Variants in NF1 observed in about 807,000 individuals in gnomAD.
NF1 encodes the protein neurofibromin 1.
In NF1, 122 loss-of-function variants were observed where a neutral mutation model predicts 325.7. The ratio of observed to expected loss-of-function variants is 0.37; its 90% CI spans 0.32 to 0.44. The LOEUF (loss-of-function observed/expected upper bound fraction) is 0.44. Among genes scored for constraint, NF1 ranks in the 20% least tolerant of loss-of-function variants. The pLI is 1.00. For missense variants in NF1, 2,140 were observed against 3,415.4 expected (o/e 0.63, Z 9.31); for synonymous variants, 1,091 against 1,186.0 (o/e 0.92, Z 1.65).
At chr17:31,321,715 A>AGG (rs2069198419) in intron 36 of NF1, 1 of 149,866 alleles carries the variant, frequency 6.7e-6, no homozygotes, top group Non-Finnish European at 1.5e-5. Flanking sequence ...CAGGAGGGAA[A>AGG]AAAAAAAAAA....
intron 56 of NF1, 133 bp downstream of exon 56, chr17:31,359,148 A>G: frequency 1.3e-6 from 1 of 783,286 alleles, no homozygotes; most frequent in Non-Finnish European, 2.1e-6. Context: ...TGTTACTTTT[A>G]TAAAAAGTTT....
intron 27 of NF1, among the ~76,000 whole-genome samples, chr17:31,233,492 G>T (rs896721328): frequency 3.3e-5 from 5 of 152,086 alleles, no homozygotes; most frequent in Non-Finnish European, 5.9e-5. Flanking sequence ...AGGTAATTAG[G>T]TTAAACCTAA....
rs1042447928 is a variant in NF1, at chr17:31,252,853, G to A, written c.4111-85G>A. On this transcript the variant is annotated intron_variant, in intron 30 of 57. Coordinates refer to ENST00000358273, the MANE Select transcript of NF1 (RefSeq NM_001042492.3). ...TTCCATTTGTGTTACATTTTATGGT[G>A]TAATTTTATGTACAAGCCAACATTG... is the stretch of plus-strand genomic sequence containing the variant. 4.7e-6 allele frequency: 5 copies of A among 1,073,138 alleles called. No individual in the cohort carries two copies. The African/African-American group carries it at 7.8e-5, about 17-fold the overall frequency. The allele number at this position is 1,073,138 out of a possible 1,614,324, so 66.5% of individuals were successfully genotyped here.
chr17:31,138,195 GTCTT>G (rs1915920395), intron 1 of NF1: 1 of 151,516 alleles, frequency 6.6e-6, no homozygotes, highest in African/African-American at 2.4e-5. Flanking sequence ...TTCTTTCATG[GTCTT>G]TCTTTTGTTC....
At chr17:31,197,759 T>C (rs184123030) in intron 8 of NF1, among the ~76,000 whole-genome samples, 333 of 152,312 alleles carry the variant, frequency 2.2e-3, no homozygotes, top group African/African-American at 7.6e-3. Context: ...GACATAGTTT[T>C]GCTTCTTTCT....
chr17:31,275,333 C>T (rs1736906354), intron 36 of NF1, among the ~76,000 whole-genome samples: 1 of 152,192 alleles, frequency 6.6e-6, no homozygotes, highest in Admixed American at 6.5e-5. Flanking sequence ...CACTGTGTCA[C>T]AGTGCTGCAT....
intron 20 of NF1, among the ~76,000 whole-genome samples, 198 bp from the exon 21 acceptor site, chr17:31,228,827 G>A (rs747619197): frequency 2.0e-5 from 3 of 152,072 alleles, no homozygotes; most frequent in Non-Finnish European, 4.4e-5. Context: ...TTGACACTCG[G>A]CTGATTATAT....
intron 52 of NF1, 90 bp downstream of exon 52, chr17:31,356,672 C>T: frequency 6.4e-7 from 1 of 1,551,746 alleles, no homozygotes; most frequent in Non-Finnish European, 8.8e-7. Flanking sequence ...TTCTTAGAAT[C>T]TTTAGAGTGA....
chr17:31,292,694 A>G (rs1165008229), intron 36 of NF1, among the ~76,000 whole-genome samples: 2 of 152,198 alleles, frequency 1.3e-5, no homozygotes, highest in African/African-American at 4.8e-5. Flanking sequence ...TAGTTGACGT[A>G]TATTGTACTT....
chr17:31,184,839 T>C (rs1206494532), intron 8 of NF1, among the ~76,000 whole-genome samples: 1 of 152,126 alleles, frequency 6.6e-6, no homozygotes, highest in African/African-American at 2.4e-5. Flanking sequence ...ATCATGCAAG[T>C]GGCTGACCTG....
chr17:31,343,964 A>AC (rs1328714776), intron 48 of NF1, among the ~76,000 whole-genome samples: 16 of 152,094 alleles, frequency 1.1e-4, no homozygotes, highest in Admixed American at 2.0e-4. Flanking sequence ...TTTAAAAAAA[A>AC]AAAAAAAAAA....
intron 1 of NF1, among the ~76,000 whole-genome samples, chr17:31,121,294 C>T (rs759081193): frequency 1.1e-4 from 16 of 151,912 alleles, no homozygotes; most frequent in Non-Finnish European, 1.9e-4. Context: ...AGACCAGTTA[C>T]GTGACAAATA....
Position 31,095,306 on chromosome 17 carries a change from GGA to G in NF1, c.-3_-2del. On this transcript the variant is annotated 5_prime_UTR_variant, in exon 1 of 58. Coordinates refer to ENST00000358273, the MANE Select transcript of NF1 (RefSeq NM_001042492.3). ...CTCCGCCGCCCCCCGGCCGCGGGGA[GGA>G]CATGGCCGCGCACAGGCCGGTGGAA... The G allele has an allele frequency of 6.5e-7, 1 of 1,537,210 alleles. No homozygotes were observed. Among genetic ancestry groups the G allele is most frequent in the Non-Finnish European group, 8.7e-7 (1 of 1,146,054 alleles).
Position 31,357,362 on chromosome 17 carries a change from C to T in NF1, c.7963C>T (p.Pro2655Ser), listed in dbSNP as rs587781791. Residue 2655 changes from proline (P) to serine (S), a missense_variant, in exon 54 of 58, where the codon CCT becomes TCT. Coordinates refer to ENST00000358273, the MANE Select transcript of NF1 (RefSeq NM_001042492.3). ...CAGTGTTGTGTTTCCCAAAGTCTTT[C>T]CTGTTGTGTAAGTATCTCCTTTTGA... The part of the protein sequence containing the change: ...EASVVFPKVF[P>S]VVHNLLDSKI... 3.1e-6 allele frequency: 5 copies of T among 1,612,048 alleles called. No individual in the cohort carries two copies. The highest frequency in any genetic ancestry group is 4.2e-6 in the Non-Finnish European group (5 of 1,178,210).
chr17:31,109,514 G>A (rs1390637610), intron 1 of NF1, among the ~76,000 whole-genome samples: 1 of 151,900 alleles, frequency 6.6e-6, no homozygotes, highest in Non-Finnish European at 1.5e-5. Context: ...CTTTCGAGTA[G>A]CTGGGATTAC....
intron 20 of NF1, among the ~76,000 whole-genome samples, chr17:31,227,888 C>G (rs1223121457): frequency 6.6e-6 from 1 of 152,172 alleles, no homozygotes; most frequent in Non-Finnish European, 1.5e-5. Context: ...ATGACAATTA[C>G]TTACTCTATT....
intron 1 of NF1, among the ~76,000 whole-genome samples, chr17:31,121,238 G>A (rs1914400740): frequency 6.6e-6 from 1 of 152,146 alleles, no homozygotes; most frequent in African/African-American, 2.4e-5. Flanking sequence ...CCATGATTTG[G>A]TTAGAAGGGA....
chr17:31,276,208 C>CAAAAAAAAAAAAAA (rs57914332), intron 36 of NF1, among the ~76,000 whole-genome samples: 1 of 78,936 alleles, frequency 1.3e-5, no homozygotes. Context: ...GACTCCATCT[C>CAAAAAAAAAAAAAA]AAAAAAAAAA....
At chr17:31,304,029 A>G in intron 36 of NF1, 1 of 364,018 alleles carries the variant, frequency 2.7e-6, no homozygotes, top group Non-Finnish European at 4.9e-6. Flanking sequence ...CCATTTACAT[A>G]TGTAAAATGT....
Sources: gnomAD v4.1 joint callset for allele counts (sites outside exome capture counted in the v4.1 genomes callset) on GRCh38, gnomAD v4.1.1 for gene constraint, MANE v1.5 for transcripts, NCBI Gene and HGNC (gene_info 2026-07-23, HGNC 2026-07-21) for gene names.